Variants in CACHD1 observed in about 807,000 individuals in gnomAD.
CACHD1 encodes the protein VWFA and cache domain-containing protein 1.
A neutral mutation model predicts 138.7 loss-of-function variants in CACHD1; 71 were observed. The observed-to-expected ratio is 0.51, with a 90% CI of 0.42 to 0.62. CACHD1 has a LOEUF of 0.62. Ranked by LOEUF, CACHD1 falls within the 20% of genes least tolerant of loss-of-function variation. The probability of loss-of-function intolerance (pLI) is 0.00; values close to 1 mark genes in which losing one functional copy is unlikely to be tolerated. For synonymous variants in CACHD1, 578 were observed against 591.5 expected, an observed-to-expected ratio of 0.98 and a Z score of 0.33; for missense variants, 1,389 against 1,625.3, an observed-to-expected ratio of 0.85 and a Z score of 2.50.
chr1:64,659,602 T>C lies in CACHD1; in HGVS notation c.1951+729T>C, dbSNP rs77144757. ...TTGATTTGGGTTTACCAAAGATAAT[T>C]TTCCCCCAGATAACATAAAATATAG... On this transcript the variant is annotated intron_variant, in intron 13 of 26. Coordinates refer to ENST00000651257, the MANE Select transcript of CACHD1 (RefSeq NM_020925.4). Among the ~76,000 whole-genome samples the C allele has an allele frequency of 6.0e-3, 914 of 152,306 alleles. 12 individuals are homozygous for C. Among genetic ancestry groups the C allele is most frequent in the African/African-American group, 0.021 (876 of 41,556 alleles).
At chr1:64,574,393 G>C (rs1570380571) in intron 2 of CACHD1, among the ~76,000 whole-genome samples, 1 of 152,122 alleles carries the variant, frequency 6.6e-6, no homozygotes, top group South Asian at 2.1e-4. Flanking sequence ...GTCATTATTA[G>C]AGTCTTAAAA....
At chr1:64,511,556 C>A (rs554618507) in intron 1 of CACHD1, among the ~76,000 whole-genome samples, 1 of 152,114 alleles carries the variant, frequency 6.6e-6, no homozygotes, top group Non-Finnish European at 1.5e-5. Flanking sequence ...TAGAGCTCAC[C>A]ACCCTCTCCA....
At chr1:64,632,256 G>GAAAAAAA (rs55924104) in intron 5 of CACHD1, among the ~76,000 whole-genome samples, 3 of 129,804 alleles carry the variant, frequency 2.3e-5, no homozygotes, top group Admixed American at 8.0e-5. Context: ...GCTTTTTTCT[G>GAAAAAAA]AAAAAAAAAA....
At chr1:64,669,018 A>G (rs545086004) in intron 16 of CACHD1, among the ~76,000 whole-genome samples, 1 of 152,250 alleles carries the variant, frequency 6.6e-6, no homozygotes, top group East Asian at 1.9e-4. Flanking sequence ...ACTCCTTTTC[A>G]CCTTTGTTTC....
chr1:64,483,684 A>C (rs1198323985), intron 1 of CACHD1, among the ~76,000 whole-genome samples: 1 of 126,288 alleles, frequency 7.9e-6, no homozygotes, highest in Non-Finnish European at 1.5e-5. Context: ...TCTCTACCAA[A>C]AAAAAAAAAA....
Position 64,673,427 on chromosome 1 carries a change from C to T in CACHD1, c.2690C>T (p.Thr897Met), listed in dbSNP as rs1173202742. The T allele has an allele frequency of 1.9e-6, 3 of 1,614,086 alleles. No individual in the cohort carries two copies. Among genetic ancestry groups the T allele is most frequent in the Admixed American group, 1.7e-5 (1 of 60,008 alleles). Residue 897 changes from threonine (T) to methionine (M), a missense_variant, in exon 19 of 27, where the codon ACG (threonine) becomes ATG (methionine). Physicochemically the swap from Thr to Met is moderately conservative, Grantham distance 81. This residue lies in a region of CACHD1 where 50 missense variants were observed against 108.2 expected (regional missense o/e 0.46). Coordinates refer to ENST00000651257, the MANE Select transcript of CACHD1 (RefSeq NM_020925.4). ...KNLCNSFSDR[T>M]VQRFYKFNTS... The stretch of plus-strand genomic sequence containing the variant: ...CTGTGCAACAGCTTCAGTGACAGAA[C>T]GGTCCAGAGGTTTTATAAATTCAAC...
chr1:64,596,167 C>T (rs536479492), intron 3 of CACHD1, among the ~76,000 whole-genome samples: 4 of 152,136 alleles, frequency 2.6e-5, no homozygotes, highest in Non-Finnish European at 5.9e-5. Context: ...TGAAGTGATC[C>T]TGCTCTTGCC....
Position 64,676,882 on chromosome 1 carries a change from A to T in CACHD1, c.2976-13A>T, listed in dbSNP as rs771001912. On this transcript the variant is annotated splice_polypyrimidine_tract_variant and intron_variant, in intron 21 of 26. Transcript: ENST00000651257. ...GGTGGTCGTCTTAACCTCCAGACTT[A>T]CCTCCTGCACAGAAACCCCAGCTGC... 13 of 1,608,124 alleles carry T rather than the reference A, an allele frequency of 8.1e-6. No homozygotes were observed. The highest frequency in any genetic ancestry group is 1.1e-5 in the Non-Finnish European group (13 of 1,175,674).
chr1:64,611,095 G>T (rs1450969152), intron 4 of CACHD1, among the ~76,000 whole-genome samples: 1 of 152,202 alleles, frequency 6.6e-6, no homozygotes, highest in Non-Finnish European at 1.5e-5. Context: ...AGCTGGAGTG[G>T]CTGGGACACA....
chr1:64,582,378 A>G, intron 3 of CACHD1, 74 bp downstream of exon 3: 2 of 1,317,616 alleles, frequency 1.5e-6, no homozygotes, highest in South Asian at 2.7e-5. Context: ...TCATATTCAA[A>G]ATACCTGTGT....
intron 1 of CACHD1, among the ~76,000 whole-genome samples, chr1:64,475,970 TAG>T (rs948325882): frequency 6.6e-6 from 1 of 152,168 alleles, no homozygotes; most frequent in African/African-American, 2.4e-5. Flanking sequence ...AGTGCAGTGG[TAG>T]AGAGAGAAAC....
intron 2 of CACHD1, among the ~76,000 whole-genome samples, chr1:64,552,802 C>T (rs1006892043): frequency 6.6e-6 from 1 of 152,196 alleles, no homozygotes; most frequent in African/African-American, 2.4e-5. Flanking sequence ...TTTAATTTAA[C>T]ATAGTTTATT....
intron 21 of CACHD1, among the ~76,000 whole-genome samples, chr1:64,676,212 G>A (rs1649986106): frequency 6.6e-6 from 1 of 151,976 alleles, no homozygotes; most frequent in Admixed American, 6.6e-5. Context: ...AGTATTAAGA[G>A]TGTATGTGCT....
At chr1:64,477,584 G>GATTATT (rs10701038) in intron 1 of CACHD1, among the ~76,000 whole-genome samples, 1,480 of 136,110 alleles carry the variant, frequency 0.011, 21 homozygotes, top group East Asian at 0.035. Flanking sequence ...CTTCCCCCCA[G>GATTATT]ATTATTATTA....
chr1:64,653,962 G>C lies in CACHD1; in HGVS notation c.1664+81G>C, dbSNP rs1649186109. Reference sequence around the variant, plus strand: ...AAGCCACATACGAGTATTTACTACAGAGTATAAAACAAGTGTATAAATTAT... The same window carrying C: ...AAGCCACATACGAGTATTTACTACACAGTATAAAACAAGTGTATAAATTAT... On this transcript the variant is annotated intron_variant, in intron 11 of 26. Transcript: ENST00000651257. 4.9e-6 allele frequency: 6 copies of C among 1,230,686 alleles called. No individual in the cohort carries two copies. In the East Asian group the frequency reaches 1.2e-4, roughly 24 times the overall value. The allele number at this position is 1,230,686 out of a possible 1,614,324, so 76.2% of individuals were successfully genotyped here. A position where few individuals can be genotyped will look rare whatever the true frequency, so the allele number is the denominator to read the frequency against.
intron 1 of CACHD1, among the ~76,000 whole-genome samples, chr1:64,491,005 C>A (rs1378756220): frequency 2.0e-5 from 3 of 152,248 alleles, no homozygotes; most frequent in East Asian, 1.9e-4. Flanking sequence ...CTAGAAAAAT[C>A]TTTGCTTAAA....
intron 4 of CACHD1, among the ~76,000 whole-genome samples, chr1:64,624,006 G>T (rs904355157): frequency 5.9e-5 from 9 of 152,196 alleles, no homozygotes; most frequent in Admixed American, 4.6e-4. Context: ...TCATAGGAAT[G>T]GGGGAAGCCC....
At chr1:64,517,975 A>G (rs1646471091) in intron 1 of CACHD1, among the ~76,000 whole-genome samples, 1 of 152,210 alleles carries the variant, frequency 6.6e-6, no homozygotes, top group Non-Finnish European at 1.5e-5. Flanking sequence ...AAGAAAGTAG[A>G]ATCCTGTGGT....
chr1:64,545,860 A>G (rs547374287), intron 1 of CACHD1, among the ~76,000 whole-genome samples: 4 of 152,256 alleles, frequency 2.6e-5, no homozygotes, highest in Non-Finnish European at 2.9e-5. Context: ...TACCATGCAC[A>G]TAAGAATAAG....
Sources: gnomAD v4.1 joint callset for allele counts (sites outside exome capture counted in the v4.1 genomes callset) on GRCh38, gnomAD v4.1.1 for gene constraint, gnomAD v4.1.1 regional missense constraint, MANE v1.5 for transcripts, NCBI Gene and HGNC (gene_info 2026-07-23, HGNC 2026-07-21) for gene names.